Variants in SSBP3 observed in about 807,000 individuals in gnomAD.
SSBP3 encodes the protein single stranded DNA binding protein 3.
A neutral mutation model predicts 69.6 loss-of-function variants in SSBP3; 5 were observed. That is an observed-to-expected ratio of 0.07 (90% CI 0.04 to 0.15). SSBP3 has a LOEUF of 0.15. SSBP3 is among the 10% of genes least tolerant of loss of function. The pLI is 1.00. For synonymous variants in SSBP3, 196 were observed against 193.4 expected (o/e 1.01, Z -0.11); for missense variants, 312 against 534.0 (o/e 0.58, Z 4.10).
chr1:54,251,588 G>A (rs1342018795), intron 9 of SSBP3, 28 bp downstream of exon 9: 4 of 1,549,484 alleles, frequency 2.6e-6, no homozygotes, highest in Admixed American at 2.0e-5. Context: ...TGGCCAGGGA[G>A]ACGGACGGAC....
At chr1:54,297,491 C>T (rs1413843587) in intron 4 of SSBP3, among the ~76,000 whole-genome samples, 1 of 152,130 alleles carries the variant, frequency 6.6e-6, no homozygotes, top group African/African-American at 2.4e-5. Flanking sequence ...ATTAGCCGGG[C>T]GTGGTGGTGC....
chr1:54,336,966 G>A (rs1025566953), intron 4 of SSBP3, among the ~76,000 whole-genome samples: 1 of 152,222 alleles, frequency 6.6e-6, no homozygotes, highest in African/African-American at 2.4e-5. Context: ...AATCTACTCT[G>A]GATGGAGGAA....
intron 4 of SSBP3, among the ~76,000 whole-genome samples, chr1:54,315,291 T>C (rs140521063): frequency 2.6e-5 from 4 of 152,224 alleles, no homozygotes; most frequent in East Asian, 1.9e-4. Context: ...CACAAGACCA[T>C]GCCTGGTCTA....
chr1:54,362,848 C>A (rs1277010117), intron 4 of SSBP3, among the ~76,000 whole-genome samples: 1 of 152,098 alleles, frequency 6.6e-6, no homozygotes, highest in Non-Finnish European at 1.5e-5. Context: ...TTGTTTTACC[C>A]CTCGTTTTCT....
intron 4 of SSBP3, among the ~76,000 whole-genome samples, chr1:54,383,796 C>A (rs922380327): frequency 3.3e-5 from 5 of 152,084 alleles, no homozygotes; most frequent in Non-Finnish European, 7.4e-5. Context: ...CCACCCACTC[C>A]CCAGCCCCCT....
chr1:54,346,607 G>T (rs2100553910), intron 4 of SSBP3, among the ~76,000 whole-genome samples: 1 of 152,212 alleles, frequency 6.6e-6, no homozygotes, highest in African/African-American at 2.4e-5. Context: ...GAGGTCAGGA[G>T]ATCGAGACCA....
At chr1:54,281,318 A>G in intron 5 of SSBP3, 120 bp downstream of exon 5, 2 of 743,554 alleles carry the variant, frequency 2.7e-6, no homozygotes, top group Admixed American at 3.0e-5. Flanking sequence ...ACCAGCATAA[A>G]GCAACTGTAT....
At chr1:54,404,701 G>A in intron 2 of SSBP3, 64 bp from the exon 3 acceptor site, 1 of 1,583,862 alleles carries the variant, frequency 6.3e-7, no homozygotes, top group Non-Finnish European at 8.7e-7. Context: ...GGGCTTCCCA[G>A]AGCCAAAAGG....
At chr1:54,377,390 G>GCA (rs1371562542) in intron 4 of SSBP3, among the ~76,000 whole-genome samples, 1 of 152,234 alleles carries the variant, frequency 6.6e-6, no homozygotes, top group African/African-American at 2.4e-5. Context: ...AGGCCACTGG[G>GCA]CACACACACT....
intron 14 of SSBP3, among the ~76,000 whole-genome samples, chr1:54,233,104 C>T (rs75140945): frequency 0.12 from 17,912 of 149,062 alleles, 1,186 homozygotes; most frequent in South Asian, 0.23. Flanking sequence ...GGAGCGTCTC[C>T]GCCCGGCCGC....
chr1:54,359,437 C>A (rs916872689), intron 4 of SSBP3, among the ~76,000 whole-genome samples: 3 of 152,146 alleles, frequency 2.0e-5, no homozygotes, highest in East Asian at 1.9e-4. Flanking sequence ...TGATAAAATG[C>A]TAATGGGAAA....
chr1:54,250,806 C>G (rs1260689503), intron 9 of SSBP3, among the ~76,000 whole-genome samples: 3 of 152,112 alleles, frequency 2.0e-5, no homozygotes, highest in Non-Finnish European at 4.4e-5. Context: ...CGTGCAAACA[C>G]CCAGAGGGCT....
intron 12 of SSBP3, 31 bp from the exon 13 acceptor site, chr1:54,240,990 C>T (rs1288929317): frequency 1.3e-6 from 2 of 1,590,656 alleles, no homozygotes; most frequent in Admixed American, 3.5e-5. Context: ...ACATCAGACA[C>T]CCACGGTGGT....
chr1:54,405,526 G>C (rs913219959), intron 1 of SSBP3: 4 of 153,414 alleles, frequency 2.6e-5, no homozygotes, highest in African/African-American at 9.7e-5. Context: ...CTCACGCCGC[G>C]GGCGGACAAA....
intron 4 of SSBP3, among the ~76,000 whole-genome samples, chr1:54,304,789 G>T (rs1031981184): frequency 6.6e-6 from 1 of 152,198 alleles, no homozygotes; most frequent in African/African-American, 2.4e-5. Context: ...CTCACCAGTG[G>T]AAACAACCCA....
At chr1:54,316,445 C>G (rs1237791589) in intron 4 of SSBP3, among the ~76,000 whole-genome samples, 1 of 149,104 alleles carries the variant, frequency 6.7e-6, no homozygotes, top group Non-Finnish European at 1.5e-5. Flanking sequence ...CGAGACCATC[C>G]TGGCTAACAA....
chr1:54,241,752 G>C (rs999245831), intron 11 of SSBP3, among the ~76,000 whole-genome samples: 1 of 152,232 alleles, frequency 6.6e-6, no homozygotes, highest in Non-Finnish European at 1.5e-5. Flanking sequence ...CACAGACACA[G>C]GGAGGACATA....
At chr1:54,265,062 G>A (rs945036240) in intron 5 of SSBP3, among the ~76,000 whole-genome samples, 3 of 152,144 alleles carry the variant, frequency 2.0e-5, no homozygotes, top group Non-Finnish European at 2.9e-5. Context: ...CCCAAATACC[G>A]ACAGAAAATG....
chr1:54,247,163 G>T (rs1032328055), intron 9 of SSBP3, among the ~76,000 whole-genome samples: 12 of 152,242 alleles, frequency 7.9e-5, no homozygotes, highest in Admixed American at 2.6e-4. Flanking sequence ...TGGAGGCGGT[G>T]GCTGCTGCTC....
Sources: gnomAD v4.1 joint callset for allele counts (sites outside exome capture counted in the v4.1 genomes callset) on GRCh38, gnomAD v4.1.1 for gene constraint, MANE v1.5 for transcripts, NCBI Gene and HGNC (gene_info 2026-07-23, HGNC 2026-07-21) for gene names.